Variants in RYR3 observed in about 807,000 individuals in gnomAD.
RYR3 encodes the protein brain ryanodine receptor-calcium release channel.
In RYR3, 207 loss-of-function variants were observed where a neutral mutation model predicts 584.3. That is an observed-to-expected ratio of 0.35 (90% CI 0.32 to 0.40). RYR3 has a LOEUF of 0.40. Among genes scored for constraint, RYR3 ranks in the 10% least tolerant of loss-of-function variants. The pLI is 1.00. For missense variants in RYR3, 5,616 were observed against 6,089.2 expected (o/e 0.92, Z 2.59); for synonymous variants, 2,416 against 2,248.5 (o/e 1.07, Z -2.11).
At chr15:33,781,846 CA>C (rs60586570) in intron 65 of RYR3, among the ~76,000 whole-genome samples, 48,570 of 125,898 alleles carry the variant, frequency 0.39, 9,061 homozygotes, top group East Asian at 0.77. Context: ...TTGAAATTAG[CA>C]AAAAAAAAAA....
At chr15:33,539,274 G>T (rs984545191) in intron 5 of RYR3, 76 bp from the exon 6 acceptor site, 13 of 866,942 alleles carry the variant, frequency 1.5e-5, no homozygotes, top group African/African-American at 1.3e-4. Flanking sequence ...TGTCCTAAGA[G>T]GAAGGAGAAC....
At position 33,726,443 on chromosome 15, in the gene RYR3, G is replaced by A. The variant is rs1326119939; in HGVS notation, c.6970G>A (p.Val2324Ile). ...IRIRSILRSLVPTEDLVGIIS... is the reference protein window; with the variant it reads ...IRIRSILRSLIPTEDLVGIIS... ...CATCAGGTCCATCCTGCGCTCCCTG[G>A]TCCCCACAGAAGACCTGGTTGGGAT... The change falls in exon 46 of 104, where the codon GTC (valine) becomes ATC (isoleucine). Residue 2324 changes from valine to isoleucine, a missense_variant. Val to Ile is a conservative substitution (Grantham distance 29). This residue lies in a region of RYR3 where 1,280 missense variants were observed against 1,426.2 expected (regional missense o/e 0.90). Coordinates refer to ENST00000634891, the MANE Select transcript of RYR3 (RefSeq NM_001036.6). 1.2e-6 allele frequency: 2 copies of A among 1,611,014 alleles called. No individual in the cohort carries two copies. Among genetic ancestry groups the A allele is most frequent in the East Asian group, 2.2e-5 (1 of 44,804 alleles).
chr15:33,415,874 CTCTTTTTGGATTCCCCAGTGT>C, intron 1 of RYR3, among the ~76,000 whole-genome samples: 1 of 152,234 alleles, frequency 6.6e-6, no homozygotes, highest in East Asian at 1.9e-4. Context: ...CCCTCCCTCC[CTCTTTTTGGATTCCCCAGTGT>C]TCATTGTTCC....
intron 98 of RYR3, 29 bp downstream of exon 98, chr15:33,854,941 T>C (rs773211116): frequency 1.3e-6 from 2 of 1,590,722 alleles, no homozygotes; most frequent in Middle Eastern, 1.7e-4. Flanking sequence ...CAGAACAGAA[T>C]GGACCTGTAT....
At chr15:33,730,475 G>A (rs536687465) in intron 47 of RYR3, among the ~76,000 whole-genome samples, 1 of 152,034 alleles carries the variant, frequency 6.6e-6, no homozygotes, top group Non-Finnish European at 1.5e-5. Flanking sequence ...AAGATTAGCT[G>A]TTTCTCCCAG....
At chr15:33,340,031 T>G (rs1372095137) in intron 1 of RYR3, among the ~76,000 whole-genome samples, 1 of 152,218 alleles carries the variant, frequency 6.6e-6, no homozygotes, top group Non-Finnish European at 1.5e-5. Flanking sequence ...GGGTGGCCTG[T>G]CCAAAGGGCG....
At chr15:33,619,182 A>G (rs2060597610) in intron 19 of RYR3, among the ~76,000 whole-genome samples, 1 of 152,186 alleles carries the variant, frequency 6.6e-6, no homozygotes, top group African/African-American at 2.4e-5. Context: ...TGAGTTATAG[A>G]AAGAACCCCA....
At chr15:33,498,504 C>T (rs1197811279) in intron 2 of RYR3, among the ~76,000 whole-genome samples, 1 of 151,934 alleles carries the variant, frequency 6.6e-6, no homozygotes, top group Non-Finnish European at 1.5e-5. Context: ...AGACCATGTG[C>T]TCATTTTGTA....
chr15:33,769,193 C>T, intron 62 of RYR3, 21 bp downstream of exon 62: 6 of 1,580,110 alleles, frequency 3.8e-6, no homozygotes, highest in Non-Finnish European at 5.2e-6. Flanking sequence ...CCAGTTTTTC[C>T]CAATAGTTTC....
At chr15:33,418,375 C>T (rs1183608366) in intron 1 of RYR3, among the ~76,000 whole-genome samples, 1 of 150,944 alleles carries the variant, frequency 6.6e-6, no homozygotes, top group African/African-American at 2.4e-5. Flanking sequence ...TACTGATTTA[C>T]TCATTATTGG....
chr15:33,613,412 T>C, intron 19 of RYR3, 37 bp downstream of exon 19: 1 of 1,550,306 alleles, frequency 6.5e-7, no homozygotes, highest in East Asian at 2.3e-5. Flanking sequence ...GAGTAGCAGT[T>C]ACCCCACCTC....
intron 2 of RYR3, among the ~76,000 whole-genome samples, chr15:33,489,894 C>G (rs1220839285): frequency 6.6e-6 from 1 of 151,162 alleles, no homozygotes; most frequent in Non-Finnish European, 1.5e-5. Context: ...AATGGCCGTT[C>G]TGACTGAGAT....
intron 38 of RYR3, among the ~76,000 whole-genome samples, chr15:33,680,144 C>T (rs574715732): frequency 1.3e-5 from 2 of 152,296 alleles, no homozygotes; most frequent in East Asian, 3.9e-4. Context: ...TCCTATCCTG[C>T]TGAGTGGGGG....
chr15:33,604,970 C>T (rs942960840), intron 18 of RYR3, among the ~76,000 whole-genome samples: 1 of 152,178 alleles, frequency 6.6e-6, no homozygotes, highest in Non-Finnish European at 1.5e-5. Flanking sequence ...CTGACTGCTG[C>T]CTATCTCCCA....
intron 20 of RYR3, among the ~76,000 whole-genome samples, 196 bp downstream of exon 20, chr15:33,624,219 G>A (rs1282245178): frequency 2.1e-4 from 32 of 152,238 alleles, no homozygotes; most frequent in Admixed American, 2.1e-3. Flanking sequence ...CAGTGAACAT[G>A]TTGAGCACCT....
chr15:33,543,717 TA>T lies in RYR3; in HGVS notation c.740+4del. 1 of 1,586,820 alleles carries T rather than the reference TA, an allele frequency of 6.3e-7. No homozygotes were observed. The highest frequency in any genetic ancestry group is 8.7e-7 in the Non-Finnish European group (1 of 1,155,346). The stretch of plus-strand genomic sequence containing the variant: ...AGACCAGAATGATTCCCAGCACAGG[TA>T]AGTCAGTAGCTGCATTCTTCCACTA... On this transcript the variant is annotated splice_donor_region_variant and intron_variant, in intron 8 of 103. Transcript: ENST00000634891.
chr15:33,311,198 GTGCCGGGCGCTTTCTCCGCACCCGCGGGC>G lies in RYR3; in HGVS notation c.51+106_51+134del. On this transcript the variant is annotated intron_variant, in intron 1 of 103. Transcript: ENST00000634891. The surrounding 1 kb of genome is among the most constrained non-coding windows in gnomAD (Gnocchi z 4.4). ...GCTGCGCCGCGGTGCCGGGTGCCCGGTGCCGGGCGCTTTCTCCGCACCCGCGGGCTGCAGAGGCGGACCGGCCACCTACC... is the reference window on the plus strand; with the variant it reads ...GCTGCGCCGCGGTGCCGGGTGCCCGGTGCAGAGGCGGACCGGCCACCTACC... The G allele has an allele frequency of 1.1e-6, 1 of 902,714 alleles. No individual in the cohort carries two copies. Among genetic ancestry groups the G allele is most frequent in the Non-Finnish European group, 1.5e-6 (1 of 660,580 alleles). The allele number at this position is 902,714 out of a possible 1,614,324, so 55.9% of individuals were successfully genotyped here. A position where few individuals can be genotyped will look rare whatever the true frequency, so the allele number is the denominator to read the frequency against.
chr15:33,786,602 A>G (rs745660383), intron 66 of RYR3, among the ~76,000 whole-genome samples: 8 of 152,180 alleles, frequency 5.3e-5, no homozygotes, highest in Non-Finnish European at 1.0e-4. Context: ...TTGGAAAATC[A>G]ATAACTATAC....
In RYR3 at chr15:33,722,369, G is replaced by A. The variant is rs998217866; in HGVS notation, c.6620-346G>A. 3.4e-5 allele frequency: 9 copies of A among 265,728 alleles called. No homozygotes were observed. The East Asian group carries it at 4.5e-4, about 13-fold the overall frequency. The allele number at this position is 265,728 out of a possible 1,614,324, so 16.5% of individuals were successfully genotyped here. On this transcript the variant is annotated intron_variant, in intron 43 of 103. Coordinates refer to ENST00000634891, the MANE Select transcript of RYR3 (RefSeq NM_001036.6). ...TCTCTACAGTACAAAATCCTGAGCC[G>A]AAGAGTAAAAACCTGCTCTGTAATG... is the stretch of plus-strand genomic sequence containing the variant.
Sources: allele counts gnomAD v4.1 joint callset (sites outside exome capture counted in the v4.1 genomes callset), GRCh38; gene constraint gnomAD v4.1.1; regional missense constraint gnomAD v4.1.1; non-coding constraint Gnocchi (gnomAD v3.1); transcripts MANE v1.5; gene names NCBI Gene and HGNC (gene_info 2026-07-23, HGNC 2026-07-21).